SLC44A5: variants seen among roughly 807,000 people sequenced by gnomAD.
SLC44A5 encodes choline transporter-like protein 5.
SLC44A5 carries 57 observed loss-of-function variants against 101.8 expected under a neutral mutation model. The observed-to-expected ratio is 0.56, with a 90% CI of 0.45 to 0.70. SLC44A5 has a LOEUF of 0.70. SLC44A5 is among the 30% of genes least tolerant of loss of function. The pLI is 0.00. For synonymous variants in SLC44A5, 281 were observed against 290.9 expected (o/e 0.97, Z 0.35); for missense variants, 737 against 853.1 (o/e 0.86, Z 1.70).
intron 2 of SLC44A5, among the ~76,000 whole-genome samples, chr1:75,449,018 T>C (rs1665744777): frequency 1.3e-5 from 2 of 152,126 alleles, no homozygotes; most frequent in African/African-American, 4.8e-5. Context: ...CTGAATGTGT[T>C]CATCCCTCTG....
rs142612715 is a variant in SLC44A5 at position 75,457,464 on chromosome 1, C to A, written c.14-60843G>T. On this transcript the variant is annotated intron_variant, in intron 2 of 23. Transcript: ENST00000370859. ...AGTCTTAAAGAATAATAATAACTAA[C>A]CCCACAGAGAAACAGGGGAAAAAGT... Among the ~76,000 whole-genome samples the A allele has an allele frequency of 2.8e-3, 430 of 152,246 alleles. 7 individuals are homozygous for A. The highest frequency in any genetic ancestry group is 0.019 in the South Asian group (90 of 4,818).
At chr1:75,666,787 C>G in the SLC44A5 span, among the ~76,000 whole-genome samples, 1 of 152,194 alleles carries the variant, frequency 6.6e-6, no homozygotes, top group Non-Finnish European at 1.5e-5. Flanking sequence ...TCAACATACA[C>G]AAGTCAATAA....
intron 2 of SLC44A5, among the ~76,000 whole-genome samples, chr1:75,423,027 C>G (rs1176888079): frequency 2.0e-5 from 3 of 152,084 alleles, no homozygotes; most frequent in African/African-American, 7.2e-5. Context: ...ATTCCCAAGG[C>G]TTAAGCTAGT....
intron 2 of SLC44A5, among the ~76,000 whole-genome samples, chr1:75,481,431 G>T (rs1275124784): frequency 6.6e-6 from 1 of 152,086 alleles, no homozygotes; most frequent in Admixed American, 6.6e-5. Flanking sequence ...AAGAGCTTCT[G>T]CACAGCAAAA....
chr1:75,541,976 G>A (rs181571818), intron 1 of SLC44A5, among the ~76,000 whole-genome samples: 278 of 152,162 alleles, frequency 1.8e-3, no homozygotes, highest in African/African-American at 6.1e-3. Flanking sequence ...GTTTTAGGGC[G>A]AGGGGTTTTT....
At chr1:75,253,151 C>T (rs1175449809) in intron 6 of SLC44A5, among the ~76,000 whole-genome samples, 1 of 152,160 alleles carries the variant, frequency 6.6e-6, no homozygotes, top group African/African-American at 2.4e-5. Context: ...AGGAAAGTAA[C>T]ACATCATCCC....
the SLC44A5 span, among the ~76,000 whole-genome samples, chr1:75,686,494 G>T: frequency 1.3e-5 from 2 of 152,168 alleles, no homozygotes; most frequent in Non-Finnish European, 2.9e-5. Flanking sequence ...GAGTGTTTTT[G>T]GCCTTTTGAG....
At chr1:75,335,469 A>G (rs1657370946) in intron 4 of SLC44A5, among the ~76,000 whole-genome samples, 2 of 152,224 alleles carry the variant, frequency 1.3e-5, no homozygotes, top group Admixed American at 6.5e-5. Context: ...GTGTGGAGTC[A>G]GAACAAGGGG....
intron 5 of SLC44A5, among the ~76,000 whole-genome samples, chr1:75,278,190 T>C (rs371552374): frequency 6.6e-6 from 1 of 152,112 alleles, no homozygotes; most frequent in East Asian, 1.9e-4. Context: ...TCTTAATTTT[T>C]ATATTGGTTA....
chr1:75,600,099 A>C (rs1206997442), intron 1 of SLC44A5, among the ~76,000 whole-genome samples: 1 of 152,128 alleles, frequency 6.6e-6, no homozygotes, highest in Non-Finnish European at 1.5e-5. Context: ...AGAAATGATA[A>C]CACTGACTCA....
intron 1 of SLC44A5, among the ~76,000 whole-genome samples, chr1:75,579,325 C>A (rs1557928702): frequency 2.0e-5 from 3 of 152,152 alleles, no homozygotes; most frequent in Non-Finnish European, 4.4e-5. Context: ...CATCTATAGT[C>A]CCAGCTACTT....
chr1:75,246,793 T>C (rs562515598), intron 7 of SLC44A5, among the ~76,000 whole-genome samples: 4 of 152,120 alleles, frequency 2.6e-5, no homozygotes, highest in Non-Finnish European at 4.4e-5. Flanking sequence ...AAAATAATTC[T>C]CTAGGTAGGG....
At chr1:75,581,127 C>T (rs1673674363) in intron 1 of SLC44A5, among the ~76,000 whole-genome samples, 1 of 152,160 alleles carries the variant, frequency 6.6e-6, no homozygotes, top group African/African-American at 2.4e-5. Flanking sequence ...ACCCTGAAGG[C>T]TGATGAAAAT....
intron 5 of SLC44A5, among the ~76,000 whole-genome samples, chr1:75,287,755 G>A (rs1653189950): frequency 6.6e-6 from 1 of 152,058 alleles, no homozygotes; most frequent in Admixed American, 6.6e-5. Context: ...AAAGGGCTGT[G>A]CGCTGCTACT....
At chr1:75,525,278 A>G (rs560976641) in intron 2 of SLC44A5, among the ~76,000 whole-genome samples, 107 of 152,316 alleles carry the variant, frequency 7.0e-4, no homozygotes, top group Non-Finnish European at 1.3e-3. Context: ...AAAGTGATCA[A>G]ATTTAACATC....
chr1:75,375,714 G>C (rs1269132260), intron 3 of SLC44A5, among the ~76,000 whole-genome samples: 3 of 152,190 alleles, frequency 2.0e-5, no homozygotes, highest in Non-Finnish European at 4.4e-5. Flanking sequence ...TTGAAGTAAA[G>C]AAATACCAAC....
rs75161954 is a variant in SLC44A5 at position 75,450,559 on chromosome 1, C to A, written c.14-53938G>T. Among the ~76,000 whole-genome samples the A allele has an allele frequency of 4.4e-3, 675 of 152,308 alleles. 6 individuals carry two copies. Among genetic ancestry groups the A allele is most frequent in the African/African-American group, 0.016 (655 of 41,570 alleles). On this transcript the variant is annotated intron_variant, in intron 2 of 23. Transcript: ENST00000370859. ...GGTGCTGGAATTTTGCTCCCTACCC[C>A]CCAACTGCAATCCTGGGGCAGAAGA...
intron 3 of SLC44A5, among the ~76,000 whole-genome samples, chr1:75,372,653 C>A (rs1660306268): frequency 6.6e-6 from 1 of 152,064 alleles, no homozygotes; most frequent in Non-Finnish European, 1.5e-5. Context: ...AGAAATGAAA[C>A]CTTCAGAGAA....
chr1:75,396,067 T>C (rs890112842), intron 3 of SLC44A5, among the ~76,000 whole-genome samples: 1 of 152,108 alleles, frequency 6.6e-6, no homozygotes. Flanking sequence ...GGATGGGACT[T>C]GAGATGCTGA....
Sources: gnomAD v4.1 joint callset for allele counts (sites outside exome capture counted in the v4.1 genomes callset) on GRCh38, gnomAD v4.1.1 for gene constraint, MANE v1.5 for transcripts, NCBI Gene and HGNC (gene_info 2026-07-23, HGNC 2026-07-21) for gene names.